Variants in KBTBD12 observed in about 807,000 individuals in gnomAD.
The protein encoded by KBTBD12 is kelch repeat and BTB domain-containing protein 12.
In KBTBD12, 53 loss-of-function variants were observed where a neutral mutation model predicts 58.7. That is an observed-to-expected ratio of 0.90 (90% CI 0.72 to 1.14). The LOEUF is 1.14. Ranked by LOEUF, KBTBD12 falls within the 50% of genes most tolerant of loss-of-function variation. The pLI, the probability that KBTBD12 is intolerant of heterozygous loss-of-function variation, is 0.00. For missense variants in KBTBD12, 704 were observed against 751.3 expected, an observed-to-expected ratio of 0.94 and a Z score of 0.74; for synonymous variants, 236 against 259.8, an observed-to-expected ratio of 0.91 and a Z score of 0.88.
intron 4 of KBTBD12, among the ~76,000 whole-genome samples, chr3:127,934,758 T>C (rs1361289948): frequency 6.6e-6 from 1 of 152,148 alleles, no homozygotes; most frequent in Non-Finnish European, 1.5e-5. Context: ...TGGAATATTA[T>C]ATTCAAAGTG....
In KBTBD12 at chr3:127,987,660, A is replaced by G. The variant is rs1940992382; in HGVS notation, c.*3382A>G. ...TGAACTTAAGGAATAAATTTTTACT[A>G]ATAAAAGATCACTTTCATTTTGTTT... On this transcript the variant is annotated 3_prime_UTR_variant, in exon 6 of 6. Coordinates refer to ENST00000405109, the MANE Select transcript of KBTBD12 (RefSeq NM_207335.4). 1 of 152,192 alleles carries G rather than the reference A, an allele frequency of 6.6e-6. No homozygotes were observed. The highest frequency in any genetic ancestry group is 1.5e-5 in the Non-Finnish European group (1 of 68,034). 9.4% of individuals were successfully genotyped at this position (152,192 alleles called of 1,614,324 possible).
At chr3:127,972,202 G>T (rs1030300848) in intron 5 of KBTBD12, among the ~76,000 whole-genome samples, 2 of 152,158 alleles carry the variant, frequency 1.3e-5, no homozygotes, top group African/African-American at 4.8e-5. Flanking sequence ...TTTTAAAGGT[G>T]CAGAAACTGA....
chr3:127,922,799 A>G (rs1170650398), intron 1 of KBTBD12, among the ~76,000 whole-genome samples, 151 bp from the exon 2 acceptor site: 1 of 152,204 alleles, frequency 6.6e-6, no homozygotes, highest in Non-Finnish European at 1.5e-5. Flanking sequence ...ATCAAAATTA[A>G]TATTTTTAGA....
At chr3:127,933,506 C>T (rs957116730) in intron 4 of KBTBD12, among the ~76,000 whole-genome samples, 4 of 152,166 alleles carry the variant, frequency 2.6e-5, no homozygotes, top group Admixed American at 2.0e-4. Flanking sequence ...CAGAAAGTCA[C>T]AGAGAGACTT....
At chr3:127,979,424 G>T (rs751230947) in intron 5 of KBTBD12, among the ~76,000 whole-genome samples, 11 of 152,172 alleles carry the variant, frequency 7.2e-5, no homozygotes, top group Non-Finnish European at 1.2e-4. Context: ...CGCAAAATTT[G>T]CATGGACTTT....
chr3:127,956,908 A>T (rs1048863640), intron 4 of KBTBD12, among the ~76,000 whole-genome samples: 4 of 152,238 alleles, frequency 2.6e-5, no homozygotes, highest in Non-Finnish European at 5.9e-5. Flanking sequence ...TATAAACAGC[A>T]GATCATTTTG....
chr3:127,946,649 A>G (rs183806310), intron 4 of KBTBD12, among the ~76,000 whole-genome samples: 40 of 152,196 alleles, frequency 2.6e-4, no homozygotes, highest in Non-Finnish European at 7.4e-5. Flanking sequence ...TGCTTTTGGA[A>G]TGTATGGATT....
chr3:127,970,010 G>T lies in KBTBD12; in HGVS notation c.1690+6624G>T, dbSNP rs557044478. Among the ~76,000 whole-genome samples the T allele has an allele frequency of 2.6e-5, 4 of 152,146 alleles. No homozygotes were observed. The East Asian group carries it at 7.7e-4, about 29-fold the overall frequency. ...AAGAGCAACAACAAGAACATGAAAA[G>T]ACAACCCACAGGATGAGAGACAATA... is the stretch of plus-strand genomic sequence containing the variant. On this transcript the variant is annotated intron_variant, in intron 5 of 5. Coordinates refer to ENST00000405109, the MANE Select transcript of KBTBD12 (RefSeq NM_207335.4).
At chr3:127,949,689 T>C (rs768555503) in intron 4 of KBTBD12, among the ~76,000 whole-genome samples, 34 of 152,220 alleles carry the variant, frequency 2.2e-4, no homozygotes, top group South Asian at 4.1e-4. Flanking sequence ...TAAGACCCTG[T>C]CACAAAATCC....
chr3:127,986,130 G>T lies in KBTBD12; in HGVS notation c.*1852G>T, dbSNP rs1410854950. On this transcript the variant is annotated 3_prime_UTR_variant, in exon 6 of 6. Coordinates refer to ENST00000405109, the MANE Select transcript of KBTBD12 (RefSeq NM_207335.4). ...TCCCTGGCTCAAGGAGGCCTTGTTG[G>T]CATGTCATGGCACATCTCCTAGATG... The T allele has an allele frequency of 6.6e-6, 1 of 152,538 alleles. No individual in the cohort carries two copies. The highest frequency in any genetic ancestry group is 2.4e-5 in the African/African-American group (1 of 41,400). 9.4% of individuals were successfully genotyped at this position (152,538 alleles called of 1,614,324 possible). A position where few individuals can be genotyped will look rare whatever the true frequency, so the allele number is the denominator to read the frequency against.
Position 127,969,253 on chromosome 3 carries a change from C to CA in KBTBD12, c.1690+5873dup, listed in dbSNP as rs983724103. On this transcript the variant is annotated intron_variant, in intron 5 of 5. Transcript: ENST00000405109. ...GGGTGCAGGACATAAGACCATACGC[C>CA]AAAAAATTGTATTTCTATACACTTA... Among the ~76,000 whole-genome samples, 20 of 151,358 alleles carry CA rather than the reference C, an allele frequency of 1.3e-4. 1 individual carries two copies. Among genetic ancestry groups the CA allele is most frequent in the African/African-American group, 4.4e-4 (18 of 41,160 alleles).
At chr3:127,948,344 G>GGTAGA (rs112058735) in intron 4 of KBTBD12, among the ~76,000 whole-genome samples, 1 of 151,594 alleles carries the variant, frequency 6.6e-6, no homozygotes, top group Non-Finnish European at 1.5e-5. Flanking sequence ...GGAAGCTGAG[G>GGTAGA]GCCAGTAGCC....
At chr3:127,959,771 T>C (rs2107608201) in intron 4 of KBTBD12, among the ~76,000 whole-genome samples, 1 of 152,382 alleles carries the variant, frequency 6.6e-6, no homozygotes, top group Middle Eastern at 3.4e-3. Flanking sequence ...AAGTGAATCT[T>C]TGCAACAGGT....
chr3:127,925,470 A>T lies in KBTBD12; in HGVS notation c.1070+1339A>T, dbSNP rs183125242. On this transcript the variant is annotated intron_variant, in intron 2 of 5. Transcript: ENST00000405109. ...TACATAGTTTTTTTTCTTCCTCCTC[A>T]AGATAGTCTACAATTCTGCCATCAC... Among the ~76,000 whole-genome samples, 12 of 152,168 alleles carry T rather than the reference A, an allele frequency of 7.9e-5. No individual in the cohort carries two copies. The East Asian group carries it at 2.3e-3, about 29-fold the overall frequency.
chr3:127,936,030 C>T (rs546301154), intron 4 of KBTBD12, among the ~76,000 whole-genome samples: 1 of 152,096 alleles, frequency 6.6e-6, no homozygotes, highest in South Asian at 2.1e-4. Context: ...CAATTATAAA[C>T]GTGTCATACC....
chr3:127,937,678 G>C (rs536517142), intron 4 of KBTBD12, among the ~76,000 whole-genome samples: 91 of 152,130 alleles, frequency 6.0e-4, no homozygotes, highest in Non-Finnish European at 1.0e-3. Context: ...CCAGTGAAAG[G>C]CACTAATGCA....
At chr3:127,960,058 G>A (rs1940402101) in intron 4 of KBTBD12, among the ~76,000 whole-genome samples, 1 of 152,156 alleles carries the variant, frequency 6.6e-6, no homozygotes, top group Admixed American at 6.5e-5. Context: ...CAAACCCAGG[G>A]GAAAATAGAA....
At chr3:127,933,905 AC>A (rs1939766963) in intron 4 of KBTBD12, among the ~76,000 whole-genome samples, 1 of 152,196 alleles carries the variant, frequency 6.6e-6, no homozygotes, top group African/African-American at 2.4e-5. Context: ...AAAAACAACA[AC>A]AAAAAGGCAG....
intron 5 of KBTBD12, among the ~76,000 whole-genome samples, chr3:127,975,502 C>T (rs7652431): frequency 0.032 from 4,872 of 152,196 alleles, 230 homozygotes; most frequent in African/African-American, 0.11. Flanking sequence ...TCAGGAGCAC[C>T]GCGTGGGTCA....
Sources: allele counts gnomAD v4.1 joint callset (sites outside exome capture counted in the v4.1 genomes callset), GRCh38; gene constraint gnomAD v4.1.1; transcripts MANE v1.5; gene names NCBI Gene and HGNC (gene_info 2026-07-23, HGNC 2026-07-21).